Variants in ATRNL1 observed in about 807,000 individuals in gnomAD.
ATRNL1 encodes the protein attractin-like protein 1.
Under a neutral mutation model 182.7 loss-of-function variants are expected in ATRNL1, and 95 were observed. The observed-to-expected ratio is 0.52, with a 90% CI of 0.44 to 0.62. ATRNL1 has a LOEUF of 0.62. ATRNL1 is among the 20% of genes least tolerant of loss of function. The probability of loss-of-function intolerance (pLI) is 0.00; values close to 1 mark genes in which losing one functional copy is unlikely to be tolerated. For missense variants in ATRNL1, 1,471 were observed against 1,679.5 expected (o/e 0.88, Z 2.17); for synonymous variants, 576 against 568.3 (o/e 1.01, Z -0.19).
intron 27 of ATRNL1, among the ~76,000 whole-genome samples, chr10:115,823,967 C>T (rs1589560496): frequency 6.6e-6 from 1 of 152,222 alleles, no homozygotes; most frequent in Non-Finnish European, 1.5e-5. Context: ...CCCATATAGC[C>T]AAGACAATCC....
chr10:115,262,539 G>A (rs1407349551), intron 10 of ATRNL1, among the ~76,000 whole-genome samples: 3 of 151,836 alleles, frequency 2.0e-5, no homozygotes, highest in African/African-American at 7.2e-5. Context: ...AGATCATAAG[G>A]TGACCTAAAG....
At chr10:115,094,841 T>C (rs1412945478) in intron 1 of ATRNL1, among the ~76,000 whole-genome samples, 3 of 152,198 alleles carry the variant, frequency 2.0e-5, no homozygotes, top group African/African-American at 7.2e-5. Context: ...TAGGACAATC[T>C]TGAATTGAGA....
chr10:115,886,821 G>T (rs936550775), intron 28 of ATRNL1, among the ~76,000 whole-genome samples: 26 of 152,122 alleles, frequency 1.7e-4, no homozygotes, highest in African/African-American at 6.3e-4. Context: ...ACATCATTAT[G>T]CATATCCTTA....
intron 27 of ATRNL1, among the ~76,000 whole-genome samples, chr10:115,771,974 G>C (rs963011814): frequency 9.9e-5 from 15 of 152,182 alleles, no homozygotes; most frequent in Admixed American, 6.5e-5. Flanking sequence ...GAGCTGTCTT[G>C]GATTAGCTGA....
Position 115,094,025 on chromosome 10 carries a change from A to G in ATRNL1, c.275A>G (p.His92Arg). The G allele has an allele frequency of 6.4e-7, 1 of 1,553,508 alleles. No homozygotes were observed. The highest frequency in any genetic ancestry group is 2.5e-5 in the East Asian group (1 of 40,324). Residue 92 changes from histidine to arginine, a missense_variant, in exon 1 of 29, where the codon CAC becomes CGC. Transcript: ENST00000355044. ...DPGWVGDQCQHCQGRFKLTEP... is the reference protein window; with the variant it reads ...DPGWVGDQCQRCQGRFKLTEP... ...GGCTGGGTGGGGGACCAGTGCCAGC[A>G]CTGCCAGGGCAGGTTCAAGTAAGTG...
intron 26 of ATRNL1, among the ~76,000 whole-genome samples, chr10:115,639,986 G>A (rs1592991916): frequency 1.3e-5 from 2 of 151,942 alleles, no homozygotes; most frequent in South Asian, 2.1e-4. Context: ...CCTACACCCC[G>A]ACCTGCCCAG....
intron 26 of ATRNL1, among the ~76,000 whole-genome samples, chr10:115,643,944 A>G (rs1444873659): frequency 6.6e-6 from 1 of 152,198 alleles, no homozygotes; most frequent in Non-Finnish European, 1.5e-5. Context: ...CATACCAATG[A>G]CATAATCTCA....
At chr10:115,376,031 A>G (rs1857651463) in intron 19 of ATRNL1, among the ~76,000 whole-genome samples, 1 of 151,144 alleles carries the variant, frequency 6.6e-6, no homozygotes, top group South Asian at 2.1e-4. Flanking sequence ...GTGGTGGTGG[A>G]CTCTCTTAGC....
chr10:115,286,880 A>T (rs782819020), intron 15 of ATRNL1, among the ~76,000 whole-genome samples: 1 of 151,998 alleles, frequency 6.6e-6, no homozygotes, highest in East Asian at 1.9e-4. Flanking sequence ...ACAATACGGC[A>T]TAACAGCTAT....
intron 5 of ATRNL1, among the ~76,000 whole-genome samples, chr10:115,149,478 C>T (rs1479575779): frequency 2.6e-5 from 4 of 151,708 alleles, no homozygotes; most frequent in Non-Finnish European, 4.4e-5. Context: ...GTGGGTTTGT[C>T]GTATATGTCC....
At chr10:115,717,261 C>T (rs1415391947) in intron 26 of ATRNL1, among the ~76,000 whole-genome samples, 2 of 152,026 alleles carry the variant, frequency 1.3e-5, no homozygotes, top group Non-Finnish European at 2.9e-5. Context: ...CCATTTTGTT[C>T]CAGGCTAATT....
At chr10:115,542,212 G>C (rs920273738) in intron 25 of ATRNL1, among the ~76,000 whole-genome samples, 74 of 151,926 alleles carry the variant, frequency 4.9e-4, no homozygotes, top group African/African-American at 1.8e-3. Flanking sequence ...TAGAGTTTTA[G>C]GAAAAAATTT....
At chr10:115,186,886 A>G (rs1361846557) in intron 8 of ATRNL1, among the ~76,000 whole-genome samples, 2 of 152,156 alleles carry the variant, frequency 1.3e-5, no homozygotes, top group Admixed American at 6.6e-5. Flanking sequence ...ATTATTATGC[A>G]TTGTGTGCTT....
chr10:115,194,651 T>C (rs1196446625), intron 8 of ATRNL1, among the ~76,000 whole-genome samples: 1 of 152,004 alleles, frequency 6.6e-6, no homozygotes, highest in Non-Finnish European at 1.5e-5. Flanking sequence ...TCCATTCTTC[T>C]ATGTCTTTTG....
chr10:115,591,247 A>G (rs916903959), intron 26 of ATRNL1, among the ~76,000 whole-genome samples: 1 of 152,178 alleles, frequency 6.6e-6, no homozygotes, highest in Non-Finnish European at 1.5e-5. Context: ...TCACTTCCCT[A>G]TACCTCAATT....
intron 26 of ATRNL1, among the ~76,000 whole-genome samples, chr10:115,578,083 T>C (rs1243850137): frequency 6.6e-6 from 1 of 151,890 alleles, no homozygotes; most frequent in African/African-American, 2.4e-5. Context: ...TAAAGCAAAC[T>C]TGCTTCCCAA....
In ATRNL1 at chr10:115,413,133, G is replaced by A. The variant is rs576610993; in HGVS notation, c.3270-13117G>A. On this transcript the variant is annotated intron_variant, in intron 20 of 28. Transcript: ENST00000355044. ...AGGTGGGGAGTCATTGGTTTGCATA[G>A]CATTGCATTGTGTATAAGTAATATT... Among the ~76,000 whole-genome samples, 4 of 152,246 alleles carry A rather than the reference G, an allele frequency of 2.6e-5. No homozygotes were observed. In the South Asian group the frequency reaches 8.3e-4, roughly 32 times the overall value.
chr10:115,501,885 T>C (rs1243801227), intron 24 of ATRNL1, among the ~76,000 whole-genome samples: 1 of 152,114 alleles, frequency 6.6e-6, no homozygotes, highest in African/African-American at 2.4e-5. Context: ...AATTTTTTCC[T>C]CTATTTACAT....
At chr10:115,646,073 A>G (rs1414203126) in intron 26 of ATRNL1, among the ~76,000 whole-genome samples, 1 of 151,872 alleles carries the variant, frequency 6.6e-6, no homozygotes, top group East Asian at 1.9e-4. Flanking sequence ...ACACACAAAC[A>G]TATATGCCCA....
Sources: gnomAD v4.1 joint callset for allele counts (sites outside exome capture counted in the v4.1 genomes callset) on GRCh38, gnomAD v4.1.1 for gene constraint, MANE v1.5 for transcripts, NCBI Gene and HGNC (gene_info 2026-07-23, HGNC 2026-07-21) for gene names.